Variants in NFATC3 observed in about 807,000 individuals in gnomAD.
NFATC3 encodes nuclear factor of activated T cells 3, also known as nuclear factor of activated T-cells, cytoplasmic 3.
NFATC3 carries 46 observed loss-of-function variants against 98.6 expected under a neutral mutation model. The ratio of observed to expected loss-of-function variants is 0.47; its 90% confidence interval spans 0.37 to 0.60. The LOEUF is 0.60. Among genes scored for constraint, NFATC3 ranks in the 20% least tolerant of loss-of-function variants. The pLI is 0.00. For missense variants in NFATC3, 1,256 were observed against 1,295.5 expected, an observed-to-expected ratio of 0.97 and a Z score of 0.47; for synonymous variants, 512 against 472.2, an observed-to-expected ratio of 1.08 and a Z score of -1.09.
intron 6 of NFATC3, among the ~76,000 whole-genome samples, chr16:68,177,946 A>G (rs2039791466): frequency 6.6e-6 from 1 of 152,178 alleles, no homozygotes; most frequent in Non-Finnish European, 1.5e-5. Context: ...TTTGACAGCC[A>G]GCTACTTACT....
At chr16:68,100,168 A>G (rs2035267400) in intron 1 of NFATC3, among the ~76,000 whole-genome samples, 2 of 152,200 alleles carry the variant, frequency 1.3e-5, no homozygotes, top group African/African-American at 2.4e-5. Context: ...GAAAATTGCT[A>G]TGAACATTTG....
In NFATC3 at chr16:68,222,607, T is replaced by C. The variant is rs117018412; in HGVS notation, c.3107-3743T>C. ...TACACACTGTGAAAATCAAATAACA[T>C]GCATTAGTCTTAACATACTCTGGTC... On this transcript the variant is annotated intron_variant, in intron 9 of 9. Coordinates refer to ENST00000346183, the MANE Select transcript of NFATC3 (RefSeq NM_173165.3). Among the ~76,000 whole-genome samples the C allele has an allele frequency of 1.8e-4, 28 of 152,316 alleles. No individual in the cohort carries two copies. In the East Asian group the frequency reaches 4.2e-3, roughly 23 times the overall value.
rs2040445968 is a variant in NFATC3, at chr16:68,192,226, AAAAAATAT to A, written c.3106+453_3106+460del. 5.0e-5 allele frequency: 3 copies of A among 59,646 alleles called. 1 individual carries two copies. The Admixed American group carries it at 6.3e-4, about 12-fold the overall frequency. The allele number at this position is 59,646 out of a possible 1,614,324, so 3.7% of individuals were successfully genotyped here. A position where few individuals can be genotyped will look rare whatever the true frequency, so the allele number is the denominator to read the frequency against. ...CCGTCTCGGGAAAAAAAAAAAAAAAAAAAAATATATATATATATATATATATATGTATG... is the reference window on the plus strand; with the variant it reads ...CCGTCTCGGGAAAAAAAAAAAAAAAAATATATATATATATATATATGTATG... On this transcript the variant is annotated intron_variant, in intron 9 of 9. Coordinates refer to ENST00000346183, the MANE Select transcript of NFATC3 (RefSeq NM_173165.3).
At chr16:68,214,381 G>T in intron 9 of NFATC3, 1 of 1,614,188 alleles carries the variant, frequency 6.2e-7, no homozygotes, top group Non-Finnish European at 8.5e-7. Context: ...CAGAGAAATG[G>T]CCTAACCACA....
intron 1 of NFATC3, among the ~76,000 whole-genome samples, chr16:68,120,572 GAA>G (rs1196341717): frequency 1.1e-4 from 9 of 83,630 alleles, no homozygotes; most frequent in Admixed American, 1.4e-4. Context: ...CTCTGTCTCA[GAA>G]AAAAAAAAAA....
At chr16:68,115,092 C>T (rs1354714778) in intron 1 of NFATC3, among the ~76,000 whole-genome samples, 1 of 150,374 alleles carries the variant, frequency 6.7e-6, no homozygotes, top group Non-Finnish European at 1.5e-5. Flanking sequence ...GAGACCAAGT[C>T]TCACTCTGTC....
At chr16:68,209,765 G>A in intron 9 of NFATC3, 1 of 466,436 alleles carries the variant, frequency 2.1e-6, no homozygotes, top group Admixed American at 2.4e-5. Flanking sequence ...GTTCGTTGCA[G>A]TTGTGTAGTA....
At chr16:68,088,482 G>GTATATAATATATATTA (rs939513745) in intron 1 of NFATC3, among the ~76,000 whole-genome samples, 3 of 144,034 alleles carry the variant, frequency 2.1e-5, no homozygotes, top group African/African-American at 7.7e-5. Context: ...TATATGTAGT[G>GTATATAATATATATTA]TATATAATAT....
chr16:68,150,755 A>C (rs2038275716), intron 3 of NFATC3, among the ~76,000 whole-genome samples: 1 of 152,188 alleles, frequency 6.6e-6, no homozygotes, highest in South Asian at 2.1e-4. Flanking sequence ...CCCACGTGTG[A>C]AGGGAGAGGC....
chr16:68,167,151 G>A, intron 5 of NFATC3, 136 bp downstream of exon 5: 1 of 837,210 alleles, frequency 1.2e-6, no homozygotes, highest in Non-Finnish European at 1.9e-6. Flanking sequence ...TTTCTCATGT[G>A]GAAATGAGCT....
intron 5 of NFATC3, among the ~76,000 whole-genome samples, chr16:68,171,240 C>G (rs1291872973): frequency 6.6e-6 from 1 of 152,002 alleles, no homozygotes; most frequent in South Asian, 2.1e-4. Flanking sequence ...AACTCCTGAC[C>G]TCAGATGATC....
At chr16:68,214,472 A>G (rs1363945743) in intron 9 of NFATC3, 2 of 1,575,278 alleles carry the variant, frequency 1.3e-6, no homozygotes, top group Non-Finnish European at 8.7e-7. Flanking sequence ...TTTGTGCCCA[A>G]GTCTGGTATT....
chr16:68,172,625 A>C lies in NFATC3; in HGVS notation c.1775-1749A>C, dbSNP rs1190433410. 2.6e-5 allele frequency among the ~76,000 whole-genome samples: 4 copies of C among 151,574 alleles called. No homozygotes were observed. In the East Asian group the frequency reaches 7.8e-4, roughly 30 times the overall value. ...ATAAGACCCTGTCTCTACAAAAAAA[A>C]TTTTTTTTTAGTTGTGTATGGTAAT... On this transcript the variant is annotated intron_variant, in intron 5 of 9. Coordinates refer to ENST00000346183, the MANE Select transcript of NFATC3 (RefSeq NM_173165.3).
At chr16:68,176,022 C>A (rs547385032) in intron 6 of NFATC3, among the ~76,000 whole-genome samples, 1 of 151,410 alleles carries the variant, frequency 6.6e-6, no homozygotes, top group Non-Finnish European at 1.5e-5. Flanking sequence ...TCTGTTACCC[C>A]GGCTGGAGTG....
At chr16:68,141,039 C>T (rs1411427663) in intron 3 of NFATC3, among the ~76,000 whole-genome samples, 2 of 152,168 alleles carry the variant, frequency 1.3e-5, no homozygotes, top group Non-Finnish European at 2.9e-5. Context: ...TAAGTGAAAA[C>T]ATACTGACTT....
intron 3 of NFATC3, among the ~76,000 whole-genome samples, chr16:68,139,422 T>C (rs187723723): frequency 8.5e-4 from 129 of 152,328 alleles, no homozygotes; most frequent in Middle Eastern, 3.4e-3. Flanking sequence ...TGTAGCAGAA[T>C]AAGATATCTA....
intron 9 of NFATC3, among the ~76,000 whole-genome samples, chr16:68,224,431 C>T (rs1399626510): frequency 2.0e-5 from 3 of 151,658 alleles, no homozygotes; most frequent in Non-Finnish European, 2.9e-5. Flanking sequence ...TGCCTGCCAC[C>T]GTGCCTGGCT....
At chr16:68,201,325 G>T (rs1030287643) in intron 9 of NFATC3, among the ~76,000 whole-genome samples, 1 of 152,122 alleles carries the variant, frequency 6.6e-6, no homozygotes, top group East Asian at 1.9e-4. Flanking sequence ...TGACCTCCTG[G>T]GACTCAGGTG....
At chr16:68,220,851 G>A (rs1485297718) in intron 9 of NFATC3, among the ~76,000 whole-genome samples, 1 of 151,496 alleles carries the variant, frequency 6.6e-6, no homozygotes, top group East Asian at 1.9e-4. Context: ...CTTGGGAGGC[G>A]GAGCTTGCAG....
Sources: allele counts gnomAD v4.1 joint callset (sites outside exome capture counted in the v4.1 genomes callset), GRCh38; gene constraint gnomAD v4.1.1; transcripts MANE v1.5; gene names NCBI Gene and HGNC (gene_info 2026-07-23, HGNC 2026-07-21).